GABRB3: variants seen among roughly 807,000 people sequenced by gnomAD.
GABRB3 encodes gamma-aminobutyric acid type A receptor subunit beta3.
In GABRB3, 14 loss-of-function variants were observed where a neutral mutation model predicts 52.1. That is an observed-to-expected ratio of 0.27 (90% CI 0.18 to 0.42). The LOEUF is 0.42. Ranked by LOEUF, GABRB3 falls within the 10% of genes least tolerant of loss-of-function variation. The pLI, the probability that GABRB3 is intolerant of heterozygous loss-of-function variation, is 1.00. For synonymous variants in GABRB3, 260 were observed against 232.3 expected (o/e 1.12, Z -1.08); for missense variants, 307 against 609.1 (o/e 0.50, Z 5.22).
intron 3 of GABRB3, among the ~76,000 whole-genome samples, chr15:26,736,813 C>G (rs1199417279): frequency 1.3e-5 from 2 of 152,246 alleles, no homozygotes; most frequent in Non-Finnish European, 2.9e-5. Context: ...GAACCCATAA[C>G]TCAATGGCCA....
At chr15:26,737,409 G>A (rs1461117258) in intron 3 of GABRB3, among the ~76,000 whole-genome samples, 1 of 152,182 alleles carries the variant, frequency 6.6e-6, no homozygotes, top group Non-Finnish European at 1.5e-5. Flanking sequence ...AAAGATGAAT[G>A]TTGCAGGACA....
chr15:26,773,579 C>T (rs1489751051), upstream of GABRB3: 3 of 1,370,904 alleles, frequency 2.2e-6, no homozygotes, highest in Non-Finnish European at 3.0e-6. Context: ...CGCGCCTCTG[C>T]CCGCCGGACT....
intron 4 of GABRB3, among the ~76,000 whole-genome samples, chr15:26,596,612 G>A (rs147127813): frequency 5.9e-5 from 9 of 151,952 alleles, no homozygotes; most frequent in African/African-American, 2.2e-4. Flanking sequence ...AACCCTTTCA[G>A]GTATAGAAAT....
At chr15:26,664,614 T>A (rs952009118) in intron 3 of GABRB3, among the ~76,000 whole-genome samples, 1 of 152,122 alleles carries the variant, frequency 6.6e-6, no homozygotes, top group African/African-American at 2.4e-5. Flanking sequence ...ACATGTGATG[T>A]TCTGATATAG....
intron 3 of GABRB3, among the ~76,000 whole-genome samples, chr15:26,703,566 G>A (rs568099185): frequency 6.6e-6 from 1 of 152,278 alleles, no homozygotes; most frequent in African/African-American, 2.4e-5. Flanking sequence ...GAAGTCTAAA[G>A]TCCAAAATCT....
chr15:26,667,215 G>A (rs1390178246), intron 3 of GABRB3, among the ~76,000 whole-genome samples: 1 of 152,200 alleles, frequency 6.6e-6, no homozygotes, highest in African/African-American at 2.4e-5. Context: ...GCGCAGCCAC[G>A]ATTCCAGCCA....
intron 3 of GABRB3, among the ~76,000 whole-genome samples, chr15:26,732,994 T>C (rs1192524846): frequency 5.6e-5 from 3 of 53,568 alleles, no homozygotes; most frequent in African/African-American, 1.8e-4. Context: ...TAAGACCTTG[T>C]CTCTAATAGA....
At chr15:26,702,718 G>C (rs1055583060) in intron 3 of GABRB3, among the ~76,000 whole-genome samples, 2 of 152,200 alleles carry the variant, frequency 1.3e-5, no homozygotes, top group African/African-American at 4.8e-5. Flanking sequence ...ATTTACCCAA[G>C]AGAAATGAAA....
At position 26,561,052 on chromosome 15, in the gene GABRB3, G is replaced by C; in HGVS notation, c.960C>G (p.Ala320=). The C allele has an allele frequency of 6.2e-7, 1 of 1,614,134 alleles. No individual in the cohort carries two copies. The highest frequency in any genetic ancestry group is 8.5e-7 in the Non-Finnish European group (1 of 1,180,042). The stretch of plus-strand genomic sequence containing the variant: ...AGTTGACAAAGGCATACTCCAGAAG[G>C]GCCAGGAACACAAAGACGAAGCAGC... ...LMGCFVFVFL[A]LLEYAFVNYI... The change falls in exon 8 of 9, where the codon GCC becomes GCG. Residue 320 remains alanine, a synonymous_variant. Coordinates refer to ENST00000311550, the MANE Select transcript of GABRB3 (RefSeq NM_000814.6).
Position 26,765,790 on chromosome 15 carries a change from A to C in GABRB3, c.240+6612T>G, listed in dbSNP as rs140178847. On this transcript the variant is annotated intron_variant, in intron 3 of 8. Transcript: ENST00000311550. The stretch of plus-strand genomic sequence containing the variant: ...GTTGCAGGAAAGAATAAGTTTTCAC[A>C]GAAATGCAGAATGGGAAATGTCTAA... Among the ~76,000 whole-genome samples, 1,264 of 152,310 alleles carry C rather than the reference A, an allele frequency of 8.3e-3. 10 individuals carry two copies. Among genetic ancestry groups the C allele is most frequent in the Non-Finnish European group, 0.011 (732 of 68,018 alleles).
chr15:26,669,229 T>C (rs1887810462), intron 3 of GABRB3, among the ~76,000 whole-genome samples: 2 of 152,166 alleles, frequency 1.3e-5, no homozygotes, highest in Admixed American at 1.3e-4. Context: ...GCCACAGGAA[T>C]TTTATCTCTT....
chr15:26,567,491 A>C (rs779828878), intron 7 of GABRB3, 90 bp downstream of exon 7: 43 of 1,287,076 alleles, frequency 3.3e-5, no homozygotes, highest in Non-Finnish European at 4.8e-5. Context: ...CTGTCAAAAA[A>C]TGGTAGTTGA....
At position 26,660,047 on chromosome 15, in the gene GABRB3, C is replaced by T. The variant is rs146565152; in HGVS notation, c.241-38513G>A. On this transcript the variant is annotated intron_variant, in intron 3 of 8. Transcript: ENST00000311550. ...GAATTTGAGACCAACCCGGCCAACA[C>T]GGTGAAACTCGGTCTCTACTAAAAA... is the stretch of plus-strand genomic sequence containing the variant. Among the ~76,000 whole-genome samples, 1,129 of 152,022 alleles carry T rather than the reference C, an allele frequency of 7.4e-3. 12 individuals are homozygous for T. Among genetic ancestry groups the T allele is most frequent in the African/African-American group, 0.025 (1,033 of 41,472 alleles).
At chr15:26,634,964 TAAGA>T (rs1441543667) in intron 3 of GABRB3, among the ~76,000 whole-genome samples, 3 of 68,668 alleles carry the variant, frequency 4.4e-5, no homozygotes, top group African/African-American at 1.6e-4. Context: ...CTCAAGTAAG[TAAGA>T]GATATATGTA....
At chr15:26,641,559 A>G (rs563274153) in intron 3 of GABRB3, among the ~76,000 whole-genome samples, 2 of 152,370 alleles carry the variant, frequency 1.3e-5, no homozygotes, top group South Asian at 2.1e-4. Flanking sequence ...CCAGCATTCT[A>G]TTTTTGCCCC....
chr15:26,621,292 G>T lies in GABRB3; in HGVS notation c.461+22C>A, dbSNP rs370989022. ...CCATGCACCATGCAACAGCAAAATT[G>T]GTCCTGAAGAGGCACACAGACCTGA... On this transcript the variant is annotated intron_variant, in intron 4 of 8. Transcript: ENST00000311550. This position sits in a 1 kb window ranked among gnomAD's most constrained non-coding sequence, Gnocchi z 4.1. The T allele has an allele frequency of 3.1e-6, 5 of 1,593,754 alleles. No homozygotes were observed. Among genetic ancestry groups the T allele is most frequent in the Admixed American group, 1.7e-5 (1 of 59,996 alleles).
At chr15:26,612,187 T>C (rs543583555) in intron 4 of GABRB3, 7 of 152,290 alleles carry the variant, frequency 4.6e-5, no homozygotes, top group Admixed American at 3.3e-4. Flanking sequence ...CCCATTGCAA[T>C]GAAAAATGTG....
chr15:26,738,790 T>C (rs890317006), intron 3 of GABRB3, among the ~76,000 whole-genome samples: 1 of 152,138 alleles, frequency 6.6e-6, no homozygotes, highest in Admixed American at 6.5e-5. Flanking sequence ...TCTGTCCACA[T>C]TCCCTGGCTC....
chr15:26,619,424 A>G (rs1179006356), intron 4 of GABRB3, among the ~76,000 whole-genome samples: 1 of 150,970 alleles, frequency 6.6e-6, no homozygotes, highest in African/African-American at 2.4e-5. Flanking sequence ...AAGAACAAAA[A>G]ACCAAACACC....
Sources: gnomAD v4.1 joint callset for allele counts (sites outside exome capture counted in the v4.1 genomes callset) on GRCh38, gnomAD v4.1.1 for gene constraint, Gnocchi (gnomAD v3.1) non-coding constraint, MANE v1.5 for transcripts, NCBI Gene and HGNC (gene_info 2026-07-23, HGNC 2026-07-21) for gene names.